Variants in STK10 observed in about 807,000 individuals in gnomAD.
STK10 encodes serine/threonine-protein kinase 10.
A neutral mutation model predicts 113.8 loss-of-function variants in STK10; 78 were observed. The ratio of observed to expected loss-of-function variants is 0.69; its 90% CI spans 0.57 to 0.83. The LOEUF (loss-of-function observed/expected upper bound fraction) is 0.83. Among genes scored for constraint, STK10 ranks in the 40% least tolerant of loss-of-function variants. The pLI, the probability that STK10 is intolerant of heterozygous loss-of-function variation, is 0.00. For synonymous variants in STK10, 465 were observed against 494.7 expected, an observed-to-expected ratio of 0.94 and a Z score of 0.80; for missense variants, 1,109 against 1,280.1, an observed-to-expected ratio of 0.87 and a Z score of 2.04.
chr5:172,090,664 C>T (rs534608321), intron 9 of STK10, among the ~76,000 whole-genome samples: 8 of 151,836 alleles, frequency 5.3e-5, no homozygotes, highest in Non-Finnish European at 1.2e-4. Context: ...TTGCCAGGCA[C>T]GGTGGCTTAC....
intron 4 of STK10, among the ~76,000 whole-genome samples, chr5:172,113,079 G>A (rs1257465655): frequency 6.6e-6 from 1 of 152,204 alleles, no homozygotes; most frequent in Non-Finnish European, 1.5e-5. Context: ...TTTTGATAGA[G>A]TGTATTGTTT....
chr5:172,134,944 A>G (rs1217462897), intron 2 of STK10, among the ~76,000 whole-genome samples: 1 of 151,918 alleles, frequency 6.6e-6, no homozygotes, highest in Non-Finnish European at 1.5e-5. Context: ...AGAAAAAGAA[A>G]AAGTAACCCA....
In STK10 at chr5:172,122,441, C is replaced by T. The variant is rs996301626; in HGVS notation, c.371-4811G>A. Among the ~76,000 whole-genome samples, 9 of 152,268 alleles carry T rather than the reference C, an allele frequency of 5.9e-5. No individual in the cohort carries two copies. The East Asian group carries it at 7.7e-4, about 13-fold the overall frequency. Reference sequence around the variant, plus strand: ...AAAGTGTCATATAATTGGAATCATACAATATGCAGCCTTTTGAGTCCAATA... The same window carrying T: ...AAAGTGTCATATAATTGGAATCATATAATATGCAGCCTTTTGAGTCCAATA... On this transcript the variant is annotated intron_variant, in intron 3 of 18. Transcript: ENST00000176763.
At chr5:172,176,990 A>G (rs1234033043) in intron 1 of STK10, among the ~76,000 whole-genome samples, 1 of 152,152 alleles carries the variant, frequency 6.6e-6, no homozygotes, top group Non-Finnish European at 1.5e-5. Context: ...ACTGGCCAAC[A>G]TGGTAAAACG....
At chr5:172,099,203 C>A (rs558633285) in intron 7 of STK10, among the ~76,000 whole-genome samples, 80 of 152,112 alleles carry the variant, frequency 5.3e-4, no homozygotes, top group Non-Finnish European at 9.0e-4. Flanking sequence ...ATTACCATCA[C>A]CACCATCACC....
At chr5:172,105,799 G>C in intron 6 of STK10, 62 bp from the exon 7 acceptor site, 1 of 1,440,842 alleles carries the variant, frequency 6.9e-7, no homozygotes, top group Non-Finnish European at 9.8e-7. Context: ...AGCCCCCCAC[G>C]TCACAGACTC....
rs867395018 is a variant in STK10 at position 172,073,301 on chromosome 5, C to T, written c.1990-8489G>A. On this transcript the variant is annotated intron_variant, in intron 12 of 18. Transcript: ENST00000176763. ...CCAAGTAGCTGGGATTACAGATGCA[C>T]ACCACCACATTGGCTAATTTTTGTA... Among the ~76,000 whole-genome samples the T allele has an allele frequency of 1.1e-4, 16 of 152,210 alleles. No homozygotes were observed. The East Asian group carries it at 1.7e-3, about 17-fold the overall frequency.
At chr5:172,104,232 T>C (rs1769052583) in intron 7 of STK10, among the ~76,000 whole-genome samples, 1 of 152,196 alleles carries the variant, frequency 6.6e-6, no homozygotes, top group South Asian at 2.1e-4. Context: ...CCCTGTTGCA[T>C]CACCCAGGCC....
intron 4 of STK10, among the ~76,000 whole-genome samples, chr5:172,114,223 G>A (rs1769312504): frequency 6.6e-6 from 1 of 151,476 alleles, no homozygotes; most frequent in African/African-American, 2.4e-5. Flanking sequence ...GGCAGGATTA[G>A]GAAGGACCTT....
rs144086302 is a variant in STK10 at position 172,061,174 on chromosome 5, C to T, written c.2177G>A (p.Arg726His). ...DNRREICDKE[R>H]ECLMKKQELL... ...CTCCTGCTTCTTCATGAGGCACTCGCGCTCCTTGTCACAGATCTCCCGCCT... is the reference window on the plus strand; with the variant it reads ...CTCCTGCTTCTTCATGAGGCACTCGTGCTCCTTGTCACAGATCTCCCGCCT... Residue 726 changes from arginine (R) to histidine (H), a missense_variant, in exon 14 of 19, where the codon CGC (arginine) becomes CAC (histidine). By Grantham distance (29) the Arg-to-His change is conservative. This residue lies in a region of STK10 where 885 missense variants were observed against 991.1 expected (regional missense o/e 0.89). Coordinates refer to ENST00000176763, the MANE Select transcript of STK10 (RefSeq NM_005990.4). 1.7e-5 allele frequency: 28 copies of T among 1,613,224 alleles called. No homozygotes were observed. The African/African-American group carries it at 2.1e-4, about 12-fold the overall frequency.
intron 1 of STK10, among the ~76,000 whole-genome samples, chr5:172,168,450 G>A (rs948142456): frequency 1.3e-5 from 2 of 152,182 alleles, no homozygotes; most frequent in African/African-American, 4.8e-5. Flanking sequence ...ATGGGCTTGA[G>A]TTTAGAGCCC....
intron 1 of STK10, among the ~76,000 whole-genome samples, chr5:172,162,537 C>G (rs1283348580): frequency 6.6e-6 from 1 of 152,136 alleles, no homozygotes; most frequent in Non-Finnish European, 1.5e-5. Flanking sequence ...CACCAGAGGG[C>G]TGGAAAGAAT....
At chr5:172,132,748 A>G (rs982867684) in intron 2 of STK10, among the ~76,000 whole-genome samples, 1 of 152,184 alleles carries the variant, frequency 6.6e-6, no homozygotes, top group Non-Finnish European at 1.5e-5. Flanking sequence ...AGGCAACAGT[A>G]GGGGACACAA....
At position 172,148,340 on chromosome 5, in the gene STK10, G is replaced by A. The variant is rs535073560; in HGVS notation, c.321+8284C>T. ...AGGGAAGCAGGGCTGGGAGGTGCCC[G>A]GAGAGTACTAATGCAGGGGAAGGAC... On this transcript the variant is annotated intron_variant, in intron 2 of 18. Transcript: ENST00000176763. 3.3e-5 allele frequency among the ~76,000 whole-genome samples: 5 copies of A among 152,076 alleles called. No homozygotes were observed. The East Asian group carries it at 5.8e-4, about 18-fold the overall frequency.
At chr5:172,162,119 T>C (rs1360895314) in intron 1 of STK10, among the ~76,000 whole-genome samples, 1 of 152,080 alleles carries the variant, frequency 6.6e-6, no homozygotes, top group African/African-American at 2.4e-5. Flanking sequence ...GGCAGGTGGC[T>C]CACCTGAAGT....
chr5:172,117,644 A>G lies in STK10; in HGVS notation c.371-14T>C. 1 of 1,613,860 alleles carries G rather than the reference A, an allele frequency of 6.2e-7. No individual in the cohort carries two copies. ...CTCTGTCCAGCTCTGGAAATGGAGG[A>G]GAACGGCTGTCAATTCAGTAAGCCC... On this transcript the variant is annotated splice_polypyrimidine_tract_variant and intron_variant, in intron 3 of 18. Coordinates refer to ENST00000176763, the MANE Select transcript of STK10 (RefSeq NM_005990.4).
chr5:172,082,501 T>G lies in STK10; in HGVS notation c.1814A>C (p.Lys605Thr). The change falls in exon 12 of 19, where the codon AAG (lysine) becomes ACG (threonine). Residue 605 changes from lysine to threonine, a missense_variant. This residue lies in a region of STK10 where 885 missense variants were observed against 991.1 expected (regional missense o/e 0.89). Transcript: ENST00000176763. This position sits in a 1 kb window ranked among gnomAD's most constrained non-coding sequence, Gnocchi z 4.3. ...HKRFEQEINA[K>T]KKFFDTELEN... ...TAATTCCGTGTCAAAGAACTTCTTC[T>G]TGGCCTGAAAGGAGCAGAAATTCTG... The G allele has an allele frequency of 1.3e-6, 2 of 1,587,446 alleles. No homozygotes were observed. Among genetic ancestry groups the G allele is most frequent in the South Asian group, 1.2e-5 (1 of 86,884 alleles).
chr5:172,104,321 G>A (rs1769054526), intron 7 of STK10, among the ~76,000 whole-genome samples: 1 of 152,198 alleles, frequency 6.6e-6, no homozygotes, highest in Non-Finnish European at 1.5e-5. Context: ...GGCAAGTGCT[G>A]TGCACAGCCC....
At chr5:172,161,520 T>G (rs948584575) in intron 1 of STK10, among the ~76,000 whole-genome samples, 3 of 152,182 alleles carry the variant, frequency 2.0e-5, no homozygotes, top group Admixed American at 2.0e-4. Context: ...ATTTGCTTTC[T>G]GTACACTCAT....
Sources: allele counts gnomAD v4.1 joint callset (sites outside exome capture counted in the v4.1 genomes callset), GRCh38; gene constraint gnomAD v4.1.1; regional missense constraint gnomAD v4.1.1; non-coding constraint Gnocchi (gnomAD v3.1); transcripts MANE v1.5; gene names NCBI Gene and HGNC (gene_info 2026-07-23, HGNC 2026-07-21).